The following EXT1 variants were observed in gnomAD, a reference collection of about 807,000 sequenced individuals.
The protein encoded by EXT1 is exostosin-1.
A neutral mutation model predicts 82.5 loss-of-function variants in EXT1; 20 were observed. The ratio of observed to expected loss-of-function variants is 0.24; its 90% CI spans 0.17 to 0.35. EXT1 has a LOEUF of 0.35. Ranked by LOEUF, EXT1 falls within the 10% of genes least tolerant of loss-of-function variation. EXT1 has a pLI of 1.00. For missense variants in EXT1, 757 were observed against 936.5 expected (o/e 0.81, Z 2.50); for synonymous variants, 348 against 350.8 (o/e 0.99, Z 0.09).
At chr8:117,874,500 T>C (rs1053470938) in intron 1 of EXT1, among the ~76,000 whole-genome samples, 2 of 144,950 alleles carry the variant, frequency 1.4e-5, no homozygotes, top group African/African-American at 2.7e-5. Context: ...CGCTTGAACC[T>C]GGCAGGCGGA....
intron 1 of EXT1, among the ~76,000 whole-genome samples, chr8:117,873,818 A>G (rs967606002): frequency 6.6e-6 from 1 of 152,164 alleles, no homozygotes; most frequent in Non-Finnish European, 1.5e-5. Context: ...GATTGGGGTG[A>G]TTTTCAACAT....
At chr8:117,994,873 C>T (rs915452201) in intron 1 of EXT1, among the ~76,000 whole-genome samples, 4 of 152,206 alleles carry the variant, frequency 2.6e-5, no homozygotes, top group Non-Finnish European at 4.4e-5. Flanking sequence ...ACCCAGCAGA[C>T]GGTCTGAATC....
chr8:118,017,839 C>T (rs915943837), intron 1 of EXT1, among the ~76,000 whole-genome samples: 1 of 152,192 alleles, frequency 6.6e-6, no homozygotes, highest in Non-Finnish European at 1.5e-5. Context: ...CTTAAACCAC[C>T]TGATGTGGAA....
At chr8:117,929,679 G>A (rs1455883860) in intron 1 of EXT1, among the ~76,000 whole-genome samples, 1 of 152,138 alleles carries the variant, frequency 6.6e-6, no homozygotes, top group Non-Finnish European at 1.5e-5. Flanking sequence ...TATGCCAAAG[G>A]TGAAGATCTT....
At chr8:118,069,023 C>T (rs953602465) in intron 1 of EXT1, among the ~76,000 whole-genome samples, 1 of 152,156 alleles carries the variant, frequency 6.6e-6, no homozygotes, top group Non-Finnish European at 1.5e-5. Flanking sequence ...CCTACACCCC[C>T]TTCTAGCATA....
chr8:117,801,514 CT>C lies in EXT1; in HGVS notation c.2056-1618del, dbSNP rs550134790. Among the ~76,000 whole-genome samples, 273 of 150,244 alleles carry C rather than the reference CT, an allele frequency of 1.8e-3. 1 individual carries two copies. Among genetic ancestry groups the C allele is most frequent in the Non-Finnish European group, 3.0e-3 (204 of 67,482 alleles). On this transcript the variant is annotated intron_variant, in intron 10 of 10. Coordinates refer to ENST00000378204, the MANE Select transcript of EXT1 (RefSeq NM_000127.3). ...ATGAGTTTGTGGGCCATTTTTTTTT[CT>C]TTTTTTTAAAGGCAGAGTCTCACTC... is the stretch of plus-strand genomic sequence containing the variant.
intron 1 of EXT1, among the ~76,000 whole-genome samples, chr8:118,044,498 C>T (rs574409145): frequency 6.6e-6 from 1 of 152,166 alleles, no homozygotes; most frequent in African/African-American, 2.4e-5. Flanking sequence ...ACCGCCACCT[C>T]CCGGGTTCAA....
chr8:117,952,386 G>C (rs975781060), intron 1 of EXT1, among the ~76,000 whole-genome samples: 1 of 152,314 alleles, frequency 6.6e-6, no homozygotes, highest in East Asian at 1.9e-4. Context: ...CTTCCAGGTA[G>C]CCTGCTAAAC....
chr8:117,909,577 T>C (rs1032466420), intron 1 of EXT1, among the ~76,000 whole-genome samples: 1 of 152,200 alleles, frequency 6.6e-6, no homozygotes, highest in Non-Finnish European at 1.5e-5. Context: ...AGATTTAAGC[T>C]GAGCAAGGGT....
At position 117,812,976 on chromosome 8, in the gene EXT1, A is replaced by T. The variant is rs1483635073; in HGVS notation, c.1633-15T>A. The T allele has an allele frequency of 6.2e-6, 10 of 1,609,870 alleles. No homozygotes were observed. The highest frequency in any genetic ancestry group is 8.5e-6 in the Non-Finnish European group (10 of 1,177,026). ...CTGCTCATAACCTGGGAGGAAGTAG[A>T]AGTAGGCAGTGGGGAGGGAATGAGG... On this transcript the variant is annotated splice_polypyrimidine_tract_variant and intron_variant, in intron 7 of 10. Coordinates refer to ENST00000378204, the MANE Select transcript of EXT1 (RefSeq NM_000127.3).
Position 118,059,671 on chromosome 8 carries a change from C to T in EXT1, c.962+50414G>A, listed in dbSNP as rs573236084. 9.8e-5 allele frequency among the ~76,000 whole-genome samples: 15 copies of T among 152,334 alleles called. No homozygotes were observed. The East Asian group carries it at 1.5e-3, about 16-fold the overall frequency. Reference sequence around the variant, plus strand: ...TGCAGTTCTGACCTGCCCAACCCTACGCAAGAACTTCTGGTGAAACTTTCT... The same window carrying T: ...TGCAGTTCTGACCTGCCCAACCCTATGCAAGAACTTCTGGTGAAACTTTCT... On this transcript the variant is annotated intron_variant, in intron 1 of 10. Transcript: ENST00000378204.
intron 1 of EXT1, among the ~76,000 whole-genome samples, chr8:117,858,796 A>C (rs116986707): frequency 0.067 from 6,258 of 93,584 alleles, 754 homozygotes; most frequent in Admixed American, 0.11. Context: ...CAGGCAAGGC[A>C]AGGCAAGGCA....
At chr8:117,878,590 A>T (rs1037458634) in intron 1 of EXT1, among the ~76,000 whole-genome samples, 3 of 152,188 alleles carry the variant, frequency 2.0e-5, no homozygotes, top group Non-Finnish European at 4.4e-5. Flanking sequence ...GTTGTTTGTG[A>T]TTCAGCTTAA....
At chr8:117,860,804 C>T (rs1434859128) in intron 1 of EXT1, among the ~76,000 whole-genome samples, 1 of 152,198 alleles carries the variant, frequency 6.6e-6, no homozygotes, top group East Asian at 1.9e-4. Flanking sequence ...AGAAGCTGAG[C>T]TGGCTTGATT....
intron 1 of EXT1, among the ~76,000 whole-genome samples, chr8:117,950,220 G>C (rs929462341): frequency 2.0e-5 from 3 of 152,138 alleles, no homozygotes; most frequent in African/African-American, 7.2e-5. Context: ...TAGCTTGGGT[G>C]ACAGAGCAAG....
At position 117,823,148 on chromosome 8, in the gene EXT1, T is replaced by G. The variant is rs116589057; in HGVS notation, c.1285-551A>C. Among the ~76,000 whole-genome samples the G allele has an allele frequency of 2.2e-3, 335 of 152,284 alleles. 2 individuals carry two copies. Among genetic ancestry groups the G allele is most frequent in the African/African-American group, 7.6e-3 (314 of 41,574 alleles). ...TCCTTTCAAAGTCAATTGGAGGACT[T>G]TGGGTGCTGGTTACTGAAGTTTTTC... On this transcript the variant is annotated intron_variant, in intron 4 of 10. Coordinates refer to ENST00000378204, the MANE Select transcript of EXT1 (RefSeq NM_000127.3).
intron 1 of EXT1, among the ~76,000 whole-genome samples, chr8:117,932,263 G>T (rs1814074257): frequency 6.6e-6 from 1 of 152,108 alleles, no homozygotes; most frequent in Non-Finnish European, 1.5e-5. Context: ...AGCTTTGCTT[G>T]CAGGTTAAGG....
At chr8:118,056,990 C>G (rs1345448207) in intron 1 of EXT1, among the ~76,000 whole-genome samples, 1 of 152,132 alleles carries the variant, frequency 6.6e-6, no homozygotes, top group Non-Finnish European at 1.5e-5. Context: ...AACACAGGCC[C>G]TGGGATACAG....
At chr8:117,809,065 G>A (rs1823276682) in intron 8 of EXT1, among the ~76,000 whole-genome samples, 1 of 151,684 alleles carries the variant, frequency 6.6e-6, no homozygotes, top group Non-Finnish European at 1.5e-5. Flanking sequence ...TAGCCTTCCT[G>A]GGTCTGTAGC....
Sources: allele counts gnomAD v4.1 joint callset (sites outside exome capture counted in the v4.1 genomes callset), GRCh38; gene constraint gnomAD v4.1.1; transcripts MANE v1.5; gene names NCBI Gene and HGNC (gene_info 2026-07-23, HGNC 2026-07-21).